FARS2: variants seen among roughly 807,000 people sequenced by gnomAD.
FARS2 encodes the protein phenylalanine--tRNA ligase, mitochondrial.
In FARS2, 40 loss-of-function variants were observed where a neutral mutation model predicts 46.4. That is an observed-to-expected ratio of 0.86 (90% confidence interval 0.67 to 1.12). The LOEUF is 1.12. Among genes scored for constraint, FARS2 ranks in the 50% most tolerant of loss-of-function variants. FARS2 has a pLI of 0.00. For missense variants in FARS2, 513 were observed against 567.9 expected (o/e 0.90, Z 0.98); for synonymous variants, 234 against 214.9 (o/e 1.09, Z -0.78).
chr6:5,595,504 G>C (rs1301992352), intron 5 of FARS2, among the ~76,000 whole-genome samples: 1 of 152,176 alleles, frequency 6.6e-6, no homozygotes, highest in Non-Finnish European at 1.5e-5. Flanking sequence ...TCTCATTCAA[G>C]TCCGCAAATG....
chr6:5,369,172 C>G lies in FARS2; in HGVS notation c.602C>G (p.Ser201Cys). The G allele has an allele frequency of 6.2e-7, 1 of 1,606,328 alleles. No homozygotes were observed. The highest frequency in any genetic ancestry group is 8.5e-7 in the Non-Finnish European group (1 of 1,179,780). The stretch of plus-strand genomic sequence containing the variant: ...CAGCTGGAGGCCGTGCGGCTCTTCT[C>G]CAAGCATGAGGTGAGTCTTGAGATG... The part of the protein sequence containing the change: ...FHQLEAVRLF[S>C]KHELFAGIKD... Residue 201 changes from serine (S) to cysteine (C), a missense_variant, in exon 2 of 7, where the codon TCC (serine) becomes TGC (cysteine). Transcript: ENST00000274680.
At position 5,771,272 on chromosome 6, in the gene FARS2, G is replaced by A. The variant is rs1763033924; in HGVS notation, c.1218-19G>A. The stretch of plus-strand genomic sequence containing the variant: ...CCTTGTTCATCCCGCACTCACCTGT[G>A]TTCTCTTCCTCTCTGTAGGACGCAC... On this transcript the variant is annotated intron_variant, in intron 6 of 6. Coordinates refer to ENST00000274680, the MANE Select transcript of FARS2 (RefSeq NM_006567.5). The A allele has an allele frequency of 1.2e-6, 2 of 1,613,922 alleles. No individual in the cohort carries two copies. The highest frequency in any genetic ancestry group is 1.7e-6 in the Non-Finnish European group (2 of 1,179,882).
chr6:5,524,981 C>T (rs972175605), intron 4 of FARS2, among the ~76,000 whole-genome samples: 18 of 152,138 alleles, frequency 1.2e-4, no homozygotes, highest in Admixed American at 3.3e-4. Context: ...CTGTGTTCTA[C>T]TTTCTACTAA....
chr6:5,366,371 A>C (rs708037), intron 1 of FARS2, among the ~76,000 whole-genome samples: 29,668 of 151,950 alleles, frequency 0.2, 4,258 homozygotes, highest in African/African-American at 0.41. Flanking sequence ...TCTTATAGAG[A>C]AATTCGATAG....
intron 6 of FARS2, among the ~76,000 whole-genome samples, chr6:5,661,346 CAG>C (rs1777844375): frequency 6.6e-6 from 1 of 152,198 alleles, no homozygotes; most frequent in African/African-American, 2.4e-5. Flanking sequence ...ACAGGAAACA[CAG>C]AGACTGGCAT....
chr6:5,557,835 A>G (rs1163633056), intron 5 of FARS2, among the ~76,000 whole-genome samples: 4 of 152,136 alleles, frequency 2.6e-5, no homozygotes, highest in African/African-American at 4.8e-5. Context: ...CCTACCTTTC[A>G]TAGGATAACT....
intron 1 of FARS2, among the ~76,000 whole-genome samples, chr6:5,337,842 G>A (rs1190377061): frequency 3.9e-5 from 6 of 152,146 alleles, no homozygotes. Context: ...GCTGTAAAGT[G>A]CCTATTTGCT....
intron 1 of FARS2, among the ~76,000 whole-genome samples, chr6:5,274,098 A>C (rs1766159329): frequency 6.6e-6 from 1 of 152,236 alleles, no homozygotes; most frequent in Non-Finnish European, 1.5e-5. Context: ...TACGCTCCAC[A>C]GTTTCAGGCA....
chr6:5,448,867 T>C (rs1402643831), intron 4 of FARS2, among the ~76,000 whole-genome samples: 1 of 152,180 alleles, frequency 6.6e-6, no homozygotes, highest in African/African-American at 2.4e-5. Context: ...AAGTTAGCCT[T>C]GGTGACTCAT....
At chr6:5,289,456 C>T (rs779874187) in intron 1 of FARS2, among the ~76,000 whole-genome samples, 1 of 152,208 alleles carries the variant, frequency 6.6e-6, no homozygotes, top group Non-Finnish European at 1.5e-5. Context: ...AGCCCAGTTA[C>T]AGAATTTTCT....
At position 5,716,620 on chromosome 6, in the gene FARS2, C is replaced by T. The variant is rs1759508604; in HGVS notation, c.1218-54671C>T. On this transcript the variant is annotated intron_variant, in intron 6 of 6. Coordinates refer to ENST00000274680, the MANE Select transcript of FARS2 (RefSeq NM_006567.5). ...CCACAGGTTGAGGGCTCCATCTCAC[C>T]AGACTGCTTCCACTTAAGATGACTT... Among the ~76,000 whole-genome samples the T allele has an allele frequency of 3.3e-5, 5 of 152,326 alleles. No homozygotes were observed. The South Asian group carries it at 1.0e-3, about 32-fold the overall frequency.
chr6:5,277,204 G>GT (rs561665754), intron 1 of FARS2, among the ~76,000 whole-genome samples: 17,859 of 143,188 alleles, frequency 0.12, 1,316 homozygotes, highest in Non-Finnish European at 0.17. Context: ...TCACAGTTTT[G>GT]TTTTTTTTTT....
intron 1 of FARS2, among the ~76,000 whole-genome samples, chr6:5,287,589 T>C (rs1355895302): frequency 1.3e-5 from 2 of 152,192 alleles, no homozygotes; most frequent in East Asian, 3.8e-4. Context: ...TCATGCTTTC[T>C]CCCACCTCAT....
At chr6:5,509,250 T>A (rs552481455) in intron 4 of FARS2, among the ~76,000 whole-genome samples, 1 of 152,352 alleles carries the variant, frequency 6.6e-6, no homozygotes, top group East Asian at 1.9e-4. Flanking sequence ...ATACTAAACT[T>A]CCAGCTTTGC....
intron 4 of FARS2, among the ~76,000 whole-genome samples, chr6:5,509,620 G>A (rs890728553): frequency 3.9e-5 from 6 of 152,182 alleles, no homozygotes; most frequent in South Asian, 2.1e-4. Flanking sequence ...CCAAGGAGTC[G>A]ATAATGATGG....
intron 6 of FARS2, among the ~76,000 whole-genome samples, chr6:5,700,443 G>A (rs1237812605): frequency 2.0e-5 from 3 of 151,428 alleles, no homozygotes; most frequent in Non-Finnish European, 2.9e-5. Context: ...GTCTTGCGCT[G>A]TCACCCAGGC....
intron 1 of FARS2, among the ~76,000 whole-genome samples, chr6:5,301,752 A>C (rs1768317228): frequency 1.3e-5 from 2 of 151,642 alleles, no homozygotes; most frequent in South Asian, 4.2e-4. Context: ...TTTATTGAAA[A>C]TGAGTCCAGC....
At chr6:5,678,377 T>C (rs1020859708) in intron 6 of FARS2, among the ~76,000 whole-genome samples, 3 of 152,132 alleles carry the variant, frequency 2.0e-5, no homozygotes, top group Non-Finnish European at 4.4e-5. Context: ...GGGAGGGAGA[T>C]AGGAAATCTG....
chr6:5,545,066 C>A, intron 4 of FARS2, 114 bp from the exon 5 acceptor site: 1 of 964,606 alleles, frequency 1.0e-6, no homozygotes, highest in Non-Finnish European at 1.6e-6. Context: ...CTGCCCAGTG[C>A]CTTTGCCCGC....
Sources: gnomAD v4.1 joint callset for allele counts (sites outside exome capture counted in the v4.1 genomes callset) on GRCh38, gnomAD v4.1.1 for gene constraint, MANE v1.5 for transcripts, NCBI Gene and HGNC (gene_info 2026-07-23, HGNC 2026-07-21) for gene names.